The following GABRG3 variants were observed in gnomAD, a reference collection of about 807,000 sequenced individuals.
GABRG3 encodes the protein gamma-aminobutyric acid type A receptor subunit gamma3.
In GABRG3, 25 loss-of-function variants were observed where a neutral mutation model predicts 48.8. The observed-to-expected ratio is 0.51, with a 90% CI of 0.37 to 0.72. The LOEUF is 0.72. Among genes scored for constraint, GABRG3 ranks in the 30% least tolerant of loss-of-function variants. The pLI, the probability that GABRG3 is intolerant of heterozygous loss-of-function variation, is 0.00. For synonymous variants in GABRG3, 227 were observed against 217.6 expected (o/e 1.04, Z -0.38); for missense variants, 394 against 577.9 (o/e 0.68, Z 3.26).
At chr15:27,415,194 C>T (rs891794738) in intron 5 of GABRG3, among the ~76,000 whole-genome samples, 7 of 152,142 alleles carry the variant, frequency 4.6e-5, no homozygotes, top group East Asian at 1.9e-4. Flanking sequence ...TTATAGTTGT[C>T]CCATAGTTCT....
At chr15:27,486,012 C>G (rs1269980279) in intron 6 of GABRG3, among the ~76,000 whole-genome samples, 6 of 152,176 alleles carry the variant, frequency 3.9e-5, no homozygotes, top group Non-Finnish European at 8.8e-5. Context: ...GTCCAGTTGT[C>G]TAAAATAATT....
At chr15:27,481,295 C>T in intron 6 of GABRG3, 1 of 904,198 alleles carries the variant, frequency 1.1e-6, no homozygotes, top group Non-Finnish European at 1.3e-6. Context: ...TATGCATATT[C>T]AAAATCCTGT....
At position 27,379,395 on chromosome 15, in the gene GABRG3, A is replaced by G. The variant is rs528313618; in HGVS notation, c.574+50507A>G. Among the ~76,000 whole-genome samples the G allele has an allele frequency of 2.6e-5, 4 of 152,346 alleles. No individual in the cohort carries two copies. In the South Asian group the frequency reaches 8.3e-4, roughly 32 times the overall value. On this transcript the variant is annotated intron_variant, in intron 5 of 9. Coordinates refer to ENST00000615808, the MANE Select transcript of GABRG3 (RefSeq NM_033223.5). ...TACATTGCTGTCACTCATTTTATCCATAAGCTATAATCATCAAATTCTTTA... is the reference window on the plus strand; with the variant it reads ...TACATTGCTGTCACTCATTTTATCCGTAAGCTATAATCATCAAATTCTTTA...
At chr15:27,217,702 C>G (rs1436881582) in intron 3 of GABRG3, among the ~76,000 whole-genome samples, 1 of 152,216 alleles carries the variant, frequency 6.6e-6, no homozygotes, top group Non-Finnish European at 1.5e-5. Flanking sequence ...ATTTGAGTCA[C>G]TGGCACACAC....
At chr15:27,435,736 G>A (rs539818932) in intron 5 of GABRG3, among the ~76,000 whole-genome samples, 24 of 152,258 alleles carry the variant, frequency 1.6e-4, no homozygotes, top group Non-Finnish European at 3.2e-4. Context: ...TTCTAAACCC[G>A]GAGAGAGGCT....
chr15:27,071,910 T>C (rs527819933), intron 3 of GABRG3, among the ~76,000 whole-genome samples: 1 of 152,288 alleles, frequency 6.6e-6, no homozygotes, highest in Non-Finnish European at 1.5e-5. Flanking sequence ...GTTGTGGGGA[T>C]AAGAAAAAAC....
intron 3 of GABRG3, among the ~76,000 whole-genome samples, chr15:27,297,500 A>G (rs773579852): frequency 6.6e-6 from 1 of 152,208 alleles, no homozygotes; most frequent in African/African-American, 2.4e-5. Context: ...ATGTTTACAT[A>G]TACAAATACT....
Position 27,302,683 on chromosome 15 carries a change from G to A in GABRG3, c.271-24126G>A, listed in dbSNP as rs145914349. 8.4e-3 allele frequency among the ~76,000 whole-genome samples: 1,283 copies of A among 152,004 alleles called. 9 individuals carry two copies. The highest frequency in any genetic ancestry group is 0.02 in the Middle Eastern group (6 of 294). ...ACATTCTACCTAAAAACAGCAGAAG[G>A]CACAAGTGCCCATAGTTCATTCATA... On this transcript the variant is annotated intron_variant, in intron 3 of 9. Coordinates refer to ENST00000615808, the MANE Select transcript of GABRG3 (RefSeq NM_033223.5).
At chr15:27,313,262 G>GTATATATATATA (rs1169926074) in intron 3 of GABRG3, among the ~76,000 whole-genome samples, 20 of 34,554 alleles carry the variant, frequency 5.8e-4, no homozygotes, top group East Asian at 1.1e-3. Context: ...GTGTGTGTGT[G>GTATATATATATA]TATATATATA....
At chr15:27,065,964 T>C (rs17648036) in intron 3 of GABRG3, among the ~76,000 whole-genome samples, 35,940 of 152,070 alleles carry the variant, frequency 0.24, 4,390 homozygotes, top group Middle Eastern at 0.28. Context: ...ATGGGAAAAA[T>C]ATTCTCTGCA....
intron 3 of GABRG3, among the ~76,000 whole-genome samples, chr15:27,300,118 C>A (rs1378775454): frequency 6.6e-6 from 1 of 152,116 alleles, no homozygotes; most frequent in Non-Finnish European, 1.5e-5. Flanking sequence ...CACAGAACAC[C>A]ATTGAACCTG....
intron 3 of GABRG3, among the ~76,000 whole-genome samples, chr15:27,132,761 CTTATT>C (rs1010275820): frequency 2.7e-5 from 4 of 150,358 alleles, no homozygotes; most frequent in Non-Finnish European, 4.4e-5. Flanking sequence ...AGAATCAACT[CTTATT>C]TTGTTGATTT....
At chr15:27,137,958 C>T (rs1014663715) in intron 3 of GABRG3, among the ~76,000 whole-genome samples, 5 of 152,314 alleles carry the variant, frequency 3.3e-5, no homozygotes, top group Admixed American at 3.3e-4. Context: ...ATGCACCCAT[C>T]AAAGAAGGTG....
At chr15:27,402,357 C>T (rs1281729851) in intron 5 of GABRG3, among the ~76,000 whole-genome samples, 1 of 152,152 alleles carries the variant, frequency 6.6e-6, no homozygotes, top group East Asian at 1.9e-4. Context: ...AAGGAATAAA[C>T]AGAAGGATGG....
At chr15:27,308,682 T>A (rs1468305013) in intron 3 of GABRG3, among the ~76,000 whole-genome samples, 1 of 149,750 alleles carries the variant, frequency 6.7e-6, no homozygotes, top group Non-Finnish European at 1.5e-5. Context: ...CATACGCTTA[T>A]GTATAAACAT....
chr15:27,375,040 T>TG (rs924113376), intron 5 of GABRG3, among the ~76,000 whole-genome samples: 6 of 151,580 alleles, frequency 4.0e-5, no homozygotes, highest in East Asian at 1.9e-4. Context: ...TGGATAATTT[T>TG]GGGGGGGTGG....
chr15:27,162,875 TCTTA>T (rs1887242364), intron 3 of GABRG3, among the ~76,000 whole-genome samples: 1 of 152,058 alleles, frequency 6.6e-6, no homozygotes, highest in Non-Finnish European at 1.5e-5. Flanking sequence ...ATTGAAATCC[TCTTA>T]CTTATTTGAT....
chr15:26,993,222 TTTA>T (rs1895279643), intron 2 of GABRG3, among the ~76,000 whole-genome samples: 1 of 152,108 alleles, frequency 6.6e-6, no homozygotes, highest in South Asian at 2.1e-4. Flanking sequence ...TGCTCTGATC[TTTA>T]TTATTTCTTT....
chr15:27,248,467 T>C (rs193052597), intron 3 of GABRG3, among the ~76,000 whole-genome samples: 2 of 152,266 alleles, frequency 1.3e-5, no homozygotes, highest in Admixed American at 1.3e-4. Flanking sequence ...AATGATTGGA[T>C]TACTTATTAC....
Sources: gnomAD v4.1 joint callset for allele counts (sites outside exome capture counted in the v4.1 genomes callset) on GRCh38, gnomAD v4.1.1 for gene constraint, MANE v1.5 for transcripts, NCBI Gene and HGNC (gene_info 2026-07-23, HGNC 2026-07-21) for gene names.